STXBP5L: variants seen among roughly 807,000 people sequenced by gnomAD.
STXBP5L encodes the protein syntaxin-binding protein 5-like.
A neutral mutation model predicts 144.5 loss-of-function variants in STXBP5L; 65 were observed. The ratio of observed to expected loss-of-function variants is 0.45; its 90% confidence interval spans 0.37 to 0.55. The LOEUF (loss-of-function observed/expected upper bound fraction) is 0.55. STXBP5L is among the 20% of genes least tolerant of loss of function. The pLI is 0.00. For synonymous variants in STXBP5L, 505 were observed against 469.6 expected, an observed-to-expected ratio of 1.08 and a Z score of -0.97; for missense variants, 1,298 against 1,405.5, an observed-to-expected ratio of 0.92 and a Z score of 1.22.
chr3:121,411,910 C>G (rs1228768755), intron 23 of STXBP5L, among the ~76,000 whole-genome samples: 1 of 152,170 alleles, frequency 6.6e-6, no homozygotes, highest in Non-Finnish European at 1.5e-5. Flanking sequence ...GTGTTTCTGA[C>G]ATAGCCAAAG....
intron 9 of STXBP5L, among the ~76,000 whole-genome samples, chr3:121,165,759 C>T (rs1195770832): frequency 2.0e-5 from 3 of 152,078 alleles, no homozygotes; most frequent in Non-Finnish European, 2.9e-5. Context: ...GGTCAGGCTC[C>T]TCCCCACTGC....
chr3:121,250,699 A>T, intron 14 of STXBP5L, 24 bp from the exon 15 acceptor site: 1 of 1,584,472 alleles, frequency 6.3e-7, no homozygotes, highest in Non-Finnish European at 8.6e-7. Context: ...TACTTTAATT[A>T]ATGCTAATTT....
At chr3:121,116,974 A>C (rs2107835017) in intron 6 of STXBP5L, among the ~76,000 whole-genome samples, 1 of 152,104 alleles carries the variant, frequency 6.6e-6, no homozygotes, top group East Asian at 1.9e-4. Context: ...GTAATTGAGA[A>C]GAATTTGTTA....
chr3:121,310,142 C>T (rs1165539045), intron 19 of STXBP5L, among the ~76,000 whole-genome samples: 2 of 152,158 alleles, frequency 1.3e-5, no homozygotes, highest in Non-Finnish European at 2.9e-5. Context: ...AACTTTAATT[C>T]CTACTTCACG....
intron 19 of STXBP5L, among the ~76,000 whole-genome samples, chr3:121,310,846 T>C (rs1577421655): frequency 6.6e-6 from 1 of 151,872 alleles, no homozygotes; most frequent in East Asian, 1.9e-4. Context: ...GAGGTGAAGG[T>C]TGCAGTGAGC....
intron 5 of STXBP5L, among the ~76,000 whole-genome samples, chr3:121,084,661 T>G (rs1371423318): frequency 6.6e-6 from 1 of 152,214 alleles, no homozygotes; most frequent in African/African-American, 2.4e-5. Context: ...AGTGCTGCAA[T>G]AAACATATTC....
At chr3:121,361,352 C>G (rs2045706435) in intron 20 of STXBP5L, among the ~76,000 whole-genome samples, 1 of 152,164 alleles carries the variant, frequency 6.6e-6, no homozygotes, top group African/African-American at 2.4e-5. Context: ...GGGAAGCTCT[C>G]TGTTATTATT....
chr3:121,028,100 A>G (rs531068174), intron 3 of STXBP5L, among the ~76,000 whole-genome samples: 13 of 152,238 alleles, frequency 8.5e-5, no homozygotes, highest in African/African-American at 3.1e-4. Flanking sequence ...AAATAAATTA[A>G]TTAATACAAG....
rs534165451 is a variant in STXBP5L at position 121,226,802 on chromosome 3, A to G, written c.1111+3645A>G. Among the ~76,000 whole-genome samples, 49 of 152,324 alleles carry G rather than the reference A, an allele frequency of 3.2e-4. 3 individuals carry two copies. The South Asian group carries it at 9.7e-3, about 30-fold the overall frequency. On this transcript the variant is annotated intron_variant, in intron 11 of 26. Coordinates refer to ENST00000471454, the MANE Select transcript of STXBP5L (RefSeq NM_001308330.2). ...ATAACTTTTCCTCTCCACATTGATC[A>G]TATAAGAAATCTCAGCTATTAGAAC... is the stretch of plus-strand genomic sequence containing the variant.
chr3:121,052,583 A>G (rs1392679415), intron 5 of STXBP5L, among the ~76,000 whole-genome samples: 2 of 152,226 alleles, frequency 1.3e-5, no homozygotes, highest in Admixed American at 6.5e-5. Context: ...TTAGGTATTG[A>G]TGGGACATAT....
At chr3:121,375,655 C>A (rs1292511117) in intron 20 of STXBP5L, among the ~76,000 whole-genome samples, 1 of 152,098 alleles carries the variant, frequency 6.6e-6, no homozygotes, top group Non-Finnish European at 1.5e-5. Context: ...ATGTTAACTC[C>A]CATTTTTTAA....
intron 6 of STXBP5L, among the ~76,000 whole-genome samples, chr3:121,118,129 AC>A (rs1398176369): frequency 1.3e-5 from 2 of 151,772 alleles, no homozygotes; most frequent in Non-Finnish European, 3.0e-5. Context: ...GATACTAGAA[AC>A]AACTATGAAC....
intron 5 of STXBP5L, among the ~76,000 whole-genome samples, chr3:121,050,497 G>C (rs189883397): frequency 1.3e-5 from 2 of 152,200 alleles, no homozygotes; most frequent in Non-Finnish European, 2.9e-5. Flanking sequence ...CTTCATAATT[G>C]AAGGAGAAAT....
At chr3:121,233,913 T>C (rs753942516) in intron 12 of STXBP5L, among the ~76,000 whole-genome samples, 2 of 152,154 alleles carry the variant, frequency 1.3e-5, no homozygotes, top group Non-Finnish European at 2.9e-5. Context: ...GACAGAAGCA[T>C]TGGAGACTCA....
Position 121,224,959 on chromosome 3 carries a change from G to A in STXBP5L, c.1111+1802G>A, listed in dbSNP as rs372073681. 6.6e-5 allele frequency among the ~76,000 whole-genome samples: 10 copies of A among 152,100 alleles called. No homozygotes were observed. In the East Asian group the frequency reaches 1.2e-3, roughly 18 times the overall value. On this transcript the variant is annotated intron_variant, in intron 11 of 26. Coordinates refer to ENST00000471454, the MANE Select transcript of STXBP5L (RefSeq NM_001308330.2). Reference sequence around the variant, plus strand: ...TAAATTTCTGCACGTTGGTAGAGATGTTAGGACAATTTCTAATAAGGTTCA... The same window carrying A: ...TAAATTTCTGCACGTTGGTAGAGATATTAGGACAATTTCTAATAAGGTTCA...
intron 20 of STXBP5L, among the ~76,000 whole-genome samples, chr3:121,376,346 T>C (rs2046183336): frequency 6.6e-6 from 1 of 152,206 alleles, no homozygotes. Context: ...TCTGTTCTTC[T>C]AGGGTTTTTA....
chr3:121,353,303 G>T (rs570359945), intron 20 of STXBP5L, among the ~76,000 whole-genome samples: 4 of 152,200 alleles, frequency 2.6e-5, no homozygotes, highest in Middle Eastern at 3.4e-3. Flanking sequence ...CTGTGAATCC[G>T]TCTGGTCCTG....
At chr3:121,387,538 G>C (rs1044984400) in intron 22 of STXBP5L, among the ~76,000 whole-genome samples, 2 of 152,146 alleles carry the variant, frequency 1.3e-5, no homozygotes, top group African/African-American at 4.8e-5. Flanking sequence ...ATGGTTTTAG[G>C]TTTAACATTT....
At chr3:120,968,078 C>T (rs965482271) in intron 3 of STXBP5L, among the ~76,000 whole-genome samples, 2 of 152,156 alleles carry the variant, frequency 1.3e-5, no homozygotes, top group Non-Finnish European at 2.9e-5. Context: ...TATTCTGCGG[C>T]TATTGGATGC....
Sources: allele counts gnomAD v4.1 joint callset (sites outside exome capture counted in the v4.1 genomes callset), GRCh38; gene constraint gnomAD v4.1.1; transcripts MANE v1.5; gene names NCBI Gene and HGNC (gene_info 2026-07-23, HGNC 2026-07-21).